The following FMN2 variants were observed in gnomAD, a reference collection of about 807,000 sequenced individuals.
The protein encoded by FMN2 is formin 2.
FMN2 carries 51 observed loss-of-function variants against 142.3 expected under a neutral mutation model. The ratio of observed to expected loss-of-function variants is 0.36; its 90% CI spans 0.29 to 0.45. FMN2 has a LOEUF of 0.45. Among genes scored for constraint, FMN2 ranks in the 20% least tolerant of loss-of-function variants. The pLI, the probability that FMN2 is intolerant of heterozygous loss-of-function variation, is 1.00. For synonymous variants in FMN2, 882 were observed against 869.8 expected (o/e 1.01, Z -0.25); for missense variants, 1,936 against 2,122.8 (o/e 0.91, Z 1.73).
At chr1:240,468,700 G>C (rs1009735148) in intron 16 of FMN2, among the ~76,000 whole-genome samples, 2 of 152,102 alleles carry the variant, frequency 1.3e-5, no homozygotes, top group East Asian at 3.9e-4. Context: ...GAAATGTTAG[G>C]CATCACTGAA....
chr1:240,472,132 T>C (rs546422960), intron 16 of FMN2: 11 of 416,722 alleles, frequency 2.6e-5, no homozygotes, highest in Non-Finnish European at 3.8e-5. Context: ...TATGTGTTTG[T>C]ATATTACTCC....
chr1:240,292,910 T>C (rs1343670398), intron 7 of FMN2, among the ~76,000 whole-genome samples: 1 of 152,110 alleles, frequency 6.6e-6, no homozygotes, highest in East Asian at 1.9e-4. Context: ...CTCGTTCCCA[T>C]TTGAATTGTG....
At position 240,336,841 on chromosome 1, in the gene FMN2, ACT is replaced by A. The variant is rs1260551615; in HGVS notation, c.4765+2615_4765+2616del. Among the ~76,000 whole-genome samples, 4 of 152,102 alleles carry A rather than the reference ACT, an allele frequency of 2.6e-5. No homozygotes were observed. In the East Asian group the frequency reaches 7.7e-4, roughly 29 times the overall value. On this transcript the variant is annotated intron_variant, in intron 13 of 17. Transcript: ENST00000319653. ...GAAGAGCTATTTACAAAGCTGTCAA[ACT>A]CTGAGGATTAAAAACTGACAAATCA...
At chr1:240,435,863 G>C (rs1017365625) in intron 15 of FMN2, among the ~76,000 whole-genome samples, 9 of 152,192 alleles carry the variant, frequency 5.9e-5, no homozygotes, top group African/African-American at 2.2e-4. Flanking sequence ...TACCCAAACA[G>C]GTGGGCTTGC....
chr1:240,329,031 C>T, intron 8 of FMN2, 45 bp from the exon 9 acceptor site: 1 of 1,515,852 alleles, frequency 6.6e-7, no homozygotes, highest in Non-Finnish European at 9.1e-7. Context: ...CTAAGGGATT[C>T]AGTTGGCCAG....
intron 3 of FMN2, among the ~76,000 whole-genome samples, chr1:240,186,197 T>C (rs73112853): frequency 0.027 from 4,103 of 152,274 alleles, 196 homozygotes; most frequent in African/African-American, 0.094. Flanking sequence ...ATATCTATAT[T>C]GTCTCTTGTA....
At chr1:240,367,789 A>T (rs935405741) in intron 14 of FMN2, among the ~76,000 whole-genome samples, 1 of 150,762 alleles carries the variant, frequency 6.6e-6, no homozygotes, top group African/African-American at 2.5e-5. Flanking sequence ...AAAAAAAAAA[A>T]AAGAAATCCT....
At chr1:240,454,522 A>T (rs540834930) in intron 16 of FMN2, among the ~76,000 whole-genome samples, 10 of 152,328 alleles carry the variant, frequency 6.6e-5, no homozygotes, top group African/African-American at 2.2e-4. Context: ...AGCCTCGGTG[A>T]TGGAGTGAGA....
intron 13 of FMN2, among the ~76,000 whole-genome samples, chr1:240,340,636 A>T (rs921141442): frequency 5.3e-5 from 8 of 152,222 alleles, no homozygotes; most frequent in Admixed American, 1.3e-4. Context: ...CCAGAAATAG[A>T]GTTCTAGACT....
intron 3 of FMN2, among the ~76,000 whole-genome samples, chr1:240,187,288 A>AG (rs1558346996): frequency 1.5e-5 from 2 of 137,298 alleles, no homozygotes; most frequent in Non-Finnish European, 3.2e-5. Flanking sequence ...AAAAAAAAAA[A>AG]AAAGAAAAGA....
chr1:240,251,505 A>G (rs2102885786), intron 6 of FMN2, among the ~76,000 whole-genome samples: 1 of 152,344 alleles, frequency 6.6e-6, no homozygotes, highest in East Asian at 1.9e-4. Context: ...TCTACTCTGA[A>G]GAATGTTCCA....
chr1:240,468,251 T>TATACATATGCACACACACAC (rs1676691545), intron 16 of FMN2, among the ~76,000 whole-genome samples: 1 of 150,810 alleles, frequency 6.6e-6, no homozygotes, highest in African/African-American at 2.5e-5. Context: ...CACACACATA[T>TATACATATGCACACACACAC]ATACATATGC....
intron 2 of FMN2, among the ~76,000 whole-genome samples, chr1:240,141,832 C>T (rs564546758): frequency 2.0e-4 from 30 of 152,238 alleles, no homozygotes; most frequent in African/African-American, 6.7e-4. Context: ...CTATGTGGCA[C>T]GTTGGACAGG....
intron 14 of FMN2, among the ~76,000 whole-genome samples, chr1:240,376,530 G>T (rs1274987369): frequency 6.6e-6 from 1 of 151,900 alleles, no homozygotes; most frequent in Non-Finnish European, 1.5e-5. Flanking sequence ...AGGGATGTTC[G>T]TACCTATAGA....
At position 240,207,059 on chromosome 1, in the gene FMN2, G is replaced by A; in HGVS notation, c.2247G>A (p.Thr749=). The A allele has an allele frequency of 2.5e-6, 4 of 1,614,108 alleles. No homozygotes were observed. Among genetic ancestry groups the A allele is most frequent in the East Asian group, 2.2e-5 (1 of 44,880 alleles). ...CGAAATCGATACAGACTTCCCCCAC[G>A]GAAGAGGGCGGGGTGCTGACACTGC... ...LEAKSIQTSP[T]EEGGVLTLPP... is the part of the protein sequence containing the mutation. Residue 749 remains threonine (T), a synonymous_variant, in exon 5 of 18, where the codon ACG becomes ACA. Transcript: ENST00000319653.
Position 240,188,278 on chromosome 1 carries a change from TA to T in FMN2, c.1986+17del. The T allele has an allele frequency of 6.2e-7, 1 of 1,611,166 alleles. No homozygotes were observed. The highest frequency in any genetic ancestry group is 8.5e-7 in the Non-Finnish European group (1 of 1,177,824). ...TGTCCAGAAGGTAAGATGATCTTAT[TA>T]GGATGTCAGATTCCCATCTGTCTTA... On this transcript the variant is annotated intron_variant, in intron 4 of 17. Coordinates refer to ENST00000319653, the MANE Select transcript of FMN2 (RefSeq NM_020066.5).
chr1:240,365,454 T>G (rs770392947), intron 14 of FMN2, among the ~76,000 whole-genome samples: 52 of 152,176 alleles, frequency 3.4e-4, no homozygotes, highest in Admixed American at 5.9e-4. Flanking sequence ...TATATAGAGA[T>G]AACTATATGC....
At chr1:240,334,301 T>C in intron 13 of FMN2, 72 bp downstream of exon 13, 5 of 1,432,146 alleles carry the variant, frequency 3.5e-6, no homozygotes, top group Non-Finnish European at 4.6e-6. Flanking sequence ...TTTTCAATGT[T>C]TTTAGAGAAA....
intron 15 of FMN2, among the ~76,000 whole-genome samples, chr1:240,404,112 A>C (rs1012192573): frequency 1.3e-5 from 2 of 152,256 alleles, no homozygotes; most frequent in Non-Finnish European, 2.9e-5. Flanking sequence ...GGAAAGAAAG[A>C]AAGCGGAATG....
Sources: allele counts gnomAD v4.1 joint callset (sites outside exome capture counted in the v4.1 genomes callset), GRCh38; gene constraint gnomAD v4.1.1; transcripts MANE v1.5; gene names NCBI Gene and HGNC (gene_info 2026-07-23, HGNC 2026-07-21).